The following ARHGAP24 variants were observed in gnomAD, a reference collection of about 807,000 sequenced individuals.
The protein encoded by ARHGAP24 is rho GTPase-activating protein 24.
In ARHGAP24, 50 loss-of-function variants were observed where a neutral mutation model predicts 76.4. That is an observed-to-expected ratio of 0.65 (90% CI 0.52 to 0.83). The LOEUF is 0.83. ARHGAP24 is among the 40% of genes least tolerant of loss of function. The probability of loss-of-function intolerance (pLI) is 0.00; values close to 1 mark genes in which losing one functional copy is unlikely to be tolerated. For missense variants in ARHGAP24, 930 were observed against 914.2 expected (o/e 1.02, Z -0.22); for synonymous variants, 345 against 323.3 (o/e 1.07, Z -0.72).
intron 2 of ARHGAP24, among the ~76,000 whole-genome samples, chr4:85,652,010 A>C (rs1721964567): frequency 6.6e-6 from 1 of 152,128 alleles, no homozygotes; most frequent in South Asian, 2.1e-4. Context: ...TATTTTGATA[A>C]TTTTAAAATA....
At chr4:85,737,403 A>G (rs1029422997) in intron 3 of ARHGAP24, among the ~76,000 whole-genome samples, 1 of 152,162 alleles carries the variant, frequency 6.6e-6, no homozygotes, top group Non-Finnish European at 1.5e-5. Flanking sequence ...CCATCACTAT[A>G]CTACTGTTGG....
chr4:85,605,895 G>A (rs1720177056), intron 2 of ARHGAP24, among the ~76,000 whole-genome samples: 1 of 152,196 alleles, frequency 6.6e-6, no homozygotes. Flanking sequence ...GGTTGGAGGT[G>A]TGTTCAGTAA....
At chr4:85,654,920 A>G (rs1722084735) in intron 2 of ARHGAP24, among the ~76,000 whole-genome samples, 1 of 152,220 alleles carries the variant, frequency 6.6e-6, no homozygotes. Flanking sequence ...ATTTACATAC[A>G]CTATAACTCT....
chr4:85,883,822 T>C (rs1182524644), intron 3 of ARHGAP24, among the ~76,000 whole-genome samples: 3 of 152,182 alleles, frequency 2.0e-5, no homozygotes, highest in African/African-American at 4.8e-5. Flanking sequence ...TTGGGTCTTA[T>C]ATGATTATCA....
intron 2 of ARHGAP24, among the ~76,000 whole-genome samples, chr4:85,571,337 T>G (rs1560537207): frequency 6.6e-6 from 1 of 152,242 alleles, no homozygotes; most frequent in African/African-American, 2.4e-5. Flanking sequence ...AAGACTGCAA[T>G]GAGAGAGAAG....
At chr4:85,897,986 CAT>C (rs112904597) in intron 3 of ARHGAP24, among the ~76,000 whole-genome samples, 98,717 of 144,904 alleles carry the variant, frequency 0.68, 33,751 homozygotes, top group African/African-American at 0.72. Flanking sequence ...CTAATACACA[CAT>C]ATATATATAT....
intron 1 of ARHGAP24, among the ~76,000 whole-genome samples, chr4:85,479,137 C>T (rs903885536): frequency 2.0e-5 from 3 of 152,170 alleles, no homozygotes; most frequent in Non-Finnish European, 4.4e-5. Context: ...TAAAAAATGT[C>T]TATTTGGTCT....
At chr4:85,737,330 C>T (rs1372979506) in intron 3 of ARHGAP24, among the ~76,000 whole-genome samples, 2 of 152,102 alleles carry the variant, frequency 1.3e-5, no homozygotes, top group African/African-American at 2.4e-5. Flanking sequence ...ATGAATATCT[C>T]CTGTACTTCC....
At chr4:85,740,222 G>A (rs1487895420) in intron 3 of ARHGAP24, among the ~76,000 whole-genome samples, 1 of 93,042 alleles carries the variant, frequency 1.1e-5, no homozygotes, top group Non-Finnish European at 3.0e-5. Context: ...GTTGTTGTTG[G>A]GGTTTTTTTT....
chr4:85,538,836 G>A (rs951898293), intron 1 of ARHGAP24, among the ~76,000 whole-genome samples: 2 of 152,092 alleles, frequency 1.3e-5, no homozygotes, highest in Non-Finnish European at 2.9e-5. Flanking sequence ...GTCATCAATA[G>A]CTTCTGAGCT....
chr4:85,755,283 A>T (rs952099212), intron 3 of ARHGAP24, among the ~76,000 whole-genome samples: 1 of 152,130 alleles, frequency 6.6e-6, no homozygotes, highest in Admixed American at 6.5e-5. Context: ...ATTTGCCTAC[A>T]TCCTGTAGGT....
chr4:85,852,122 A>G (rs1486219648), intron 3 of ARHGAP24, among the ~76,000 whole-genome samples: 2 of 152,162 alleles, frequency 1.3e-5, no homozygotes, highest in African/African-American at 2.4e-5. Context: ...ACATAGTTCC[A>G]TACTTCTTGG....
intron 2 of ARHGAP24, among the ~76,000 whole-genome samples, chr4:85,684,385 AT>A (rs922060451): frequency 1.1e-4 from 16 of 151,874 alleles, no homozygotes; most frequent in Admixed American, 2.0e-4. Context: ...TTACATTTTA[AT>A]TTTTTTTAAT....
intron 2 of ARHGAP24, among the ~76,000 whole-genome samples, chr4:85,687,499 T>C (rs530063816): frequency 6.6e-6 from 1 of 152,312 alleles, no homozygotes; most frequent in African/African-American, 2.4e-5. Flanking sequence ...TATTTATAAG[T>C]GGGAACATGT....
chr4:85,878,306 T>G (rs955791051), intron 3 of ARHGAP24, among the ~76,000 whole-genome samples: 4 of 152,168 alleles, frequency 2.6e-5, no homozygotes, highest in Non-Finnish European at 5.9e-5. Flanking sequence ...CAAGAGAATG[T>G]TGTGAATACC....
chr4:85,659,495 G>A (rs1017260110), intron 2 of ARHGAP24, among the ~76,000 whole-genome samples: 2 of 152,010 alleles, frequency 1.3e-5, no homozygotes, highest in Non-Finnish European at 2.9e-5. Flanking sequence ...TTATCTACAA[G>A]GCCTAACATA....
chr4:85,621,616 T>C (rs28822790), intron 2 of ARHGAP24, among the ~76,000 whole-genome samples: 11,442 of 152,170 alleles, frequency 0.075, 558 homozygotes, highest in Non-Finnish European at 0.11. Flanking sequence ...TGGAGTTATT[T>C]TTTTTTCTTG....
intron 2 of ARHGAP24, among the ~76,000 whole-genome samples, chr4:85,657,879 C>T (rs1003767317): frequency 2.0e-5 from 3 of 152,266 alleles, no homozygotes; most frequent in East Asian, 1.9e-4. Context: ...CTCAGCCTCC[C>T]GAATAGCTGG....
At chr4:85,584,263 A>C (rs1241741257) in intron 2 of ARHGAP24, among the ~76,000 whole-genome samples, 1 of 152,190 alleles carries the variant, frequency 6.6e-6, no homozygotes, top group Non-Finnish European at 1.5e-5. Context: ...ATGCAGCCAC[A>C]AAAAATGATG....
Sources: gnomAD v4.1 joint callset for allele counts (sites outside exome capture counted in the v4.1 genomes callset) on GRCh38, gnomAD v4.1.1 for gene constraint, MANE v1.5 for transcripts, NCBI Gene and HGNC (gene_info 2026-07-23, HGNC 2026-07-21) for gene names.